The following NPAS3 variants were observed in gnomAD, a reference collection of about 807,000 sequenced individuals.
NPAS3 encodes neuronal PAS domain-containing protein 3.
Under a neutral mutation model 73.1 loss-of-function variants are expected in NPAS3, and 14 were observed. That is an observed-to-expected ratio of 0.19 (90% CI 0.13 to 0.30). The LOEUF (loss-of-function observed/expected upper bound fraction) is 0.30. Among genes scored for constraint, NPAS3 ranks in the 10% least tolerant of loss-of-function variants. The pLI, the probability that NPAS3 is intolerant of heterozygous loss-of-function variation, is 1.00. For missense variants in NPAS3, 1,096 were observed against 1,250.0 expected, an observed-to-expected ratio of 0.88 and a Z score of 1.86; for synonymous variants, 620 against 541.5, an observed-to-expected ratio of 1.14 and a Z score of -2.01.
intron 6 of NPAS3, among the ~76,000 whole-genome samples, chr14:33,681,226 A>C (rs1205429814): frequency 6.6e-6 from 1 of 152,228 alleles, no homozygotes; most frequent in Admixed American, 6.5e-5. Context: ...GTATAAAAAA[A>C]CGGCTTGGAT....
At chr14:33,621,548 C>T (rs948844686) in intron 5 of NPAS3, among the ~76,000 whole-genome samples, 6 of 152,062 alleles carry the variant, frequency 3.9e-5, no homozygotes, top group African/African-American at 1.4e-4. Context: ...TCTCCATACC[C>T]CCACTATGGT....
At chr14:33,224,520 G>C (rs529816662) in intron 3 of NPAS3, among the ~76,000 whole-genome samples, 2 of 152,108 alleles carry the variant, frequency 1.3e-5, no homozygotes, top group South Asian at 4.2e-4. Context: ...GCATTCTAAA[G>C]GAAGGCCAAT....
chr14:33,024,493 T>C (rs780651897), intron 1 of NPAS3, among the ~76,000 whole-genome samples: 6 of 152,110 alleles, frequency 3.9e-5, no homozygotes, highest in Non-Finnish European at 7.4e-5. Context: ...ATTTAAATCA[T>C]CACATGTCTC....
intron 1 of NPAS3, among the ~76,000 whole-genome samples, chr14:33,030,803 G>C (rs2039963957): frequency 6.6e-6 from 1 of 152,168 alleles, no homozygotes; most frequent in African/African-American, 2.4e-5. Context: ...TATTTTGTCT[G>C]TACATATACA....
intron 1 of NPAS3, among the ~76,000 whole-genome samples, chr14:33,010,796 G>A (rs113885527): frequency 0.013 from 1,942 of 152,010 alleles, 39 homozygotes; most frequent in African/African-American, 0.044. Flanking sequence ...ATAACTGGGA[G>A]TAGTGGCATG....
intron 1 of NPAS3, among the ~76,000 whole-genome samples, chr14:32,957,949 A>G (rs927532930): frequency 2.0e-5 from 3 of 152,124 alleles, no homozygotes; most frequent in African/African-American, 7.2e-5. Context: ...CTTTGGAATT[A>G]TTGCAGTTAC....
intron 4 of NPAS3, among the ~76,000 whole-genome samples, chr14:33,447,471 A>T (rs1361537577): frequency 1.3e-5 from 2 of 152,196 alleles, no homozygotes; most frequent in Non-Finnish European, 2.9e-5. Flanking sequence ...GTATGCTAAG[A>T]TGTTTGACAA....
At chr14:33,751,106 A>G (rs1011127797) in intron 7 of NPAS3, among the ~76,000 whole-genome samples, 3 of 152,186 alleles carry the variant, frequency 2.0e-5, no homozygotes, top group African/African-American at 7.2e-5. Flanking sequence ...CAAGAGTAGG[A>G]ACGTTCATGT....
intron 3 of NPAS3, among the ~76,000 whole-genome samples, chr14:33,241,880 T>C (rs2048223933): frequency 6.6e-6 from 1 of 152,088 alleles, no homozygotes; most frequent in South Asian, 2.1e-4. Flanking sequence ...ATACTGTGCA[T>C]TTAAAACTTT....
intron 3 of NPAS3, among the ~76,000 whole-genome samples, chr14:33,341,544 A>G (rs2044481425): frequency 6.6e-6 from 1 of 152,048 alleles, no homozygotes; most frequent in Non-Finnish European, 1.5e-5. Context: ...GGAGAGGGAA[A>G]GGGATGCGGG....
At chr14:33,269,199 A>G (rs957135604) in intron 3 of NPAS3, among the ~76,000 whole-genome samples, 2 of 152,202 alleles carry the variant, frequency 1.3e-5, no homozygotes, top group South Asian at 2.1e-4. Context: ...TCAAAATAAA[A>G]ATAGCTAAAA....
At chr14:33,520,570 A>G (rs773505552) in intron 4 of NPAS3, among the ~76,000 whole-genome samples, 11 of 152,110 alleles carry the variant, frequency 7.2e-5, no homozygotes, top group Non-Finnish European at 1.5e-4. Context: ...AGAGATGGAG[A>G]AGCAATAAAA....
Position 33,687,672 on chromosome 14 carries a change from C to T in NPAS3, c.733+11287C>T, listed in dbSNP as rs757323696. On this transcript the variant is annotated intron_variant, in intron 6 of 11. Transcript: ENST00000356141. ...GGAAAATACTTCCCATTTCACAGAA[C>T]GGGAAATTTTACATTTCACATGTAA... Among the ~76,000 whole-genome samples, 37 of 152,224 alleles carry T rather than the reference C, an allele frequency of 2.4e-4. 1 individual carries two copies. The East Asian group carries it at 4.6e-3, about 19-fold the overall frequency.
At chr14:33,084,449 T>A (rs1221191350) in intron 2 of NPAS3, among the ~76,000 whole-genome samples, 1 of 152,192 alleles carries the variant, frequency 6.6e-6, no homozygotes, top group Non-Finnish European at 1.5e-5. Flanking sequence ...TCAAACGTAG[T>A]ATAAGAAGAC....
intron 6 of NPAS3, among the ~76,000 whole-genome samples, chr14:33,708,985 G>A (rs2060740013): frequency 6.6e-6 from 1 of 152,134 alleles, no homozygotes; most frequent in Non-Finnish European, 1.5e-5. Context: ...AAGAAAATTG[G>A]CTTCATTTGT....
chr14:32,996,095 G>A (rs946794761), intron 1 of NPAS3, among the ~76,000 whole-genome samples: 1 of 152,190 alleles, frequency 6.6e-6, no homozygotes, highest in African/African-American at 2.4e-5. Context: ...AACTTTTTGG[G>A]AACTGGAGCA....
chr14:33,777,360 A>G (rs1033819306), intron 8 of NPAS3, among the ~76,000 whole-genome samples: 1 of 152,212 alleles, frequency 6.6e-6, no homozygotes. Context: ...GGCCAAAAAT[A>G]TTATTTGAAT....
chr14:33,704,714 ATAGGTCAAGAGCAG>A (rs1401436684), intron 6 of NPAS3, among the ~76,000 whole-genome samples: 1 of 152,200 alleles, frequency 6.6e-6, no homozygotes, highest in Non-Finnish European at 1.5e-5. Context: ...CAAAGTTTTA[ATAGGTCAAGAGCAG>A]AGTAACTGCT....
intron 5 of NPAS3, among the ~76,000 whole-genome samples, chr14:33,666,812 A>G (rs1231250257): frequency 6.6e-6 from 1 of 152,214 alleles, no homozygotes; most frequent in East Asian, 1.9e-4. Context: ...TACATGATTG[A>G]CTAATTAAAT....
Sources: allele counts gnomAD v4.1 joint callset (sites outside exome capture counted in the v4.1 genomes callset), GRCh38; gene constraint gnomAD v4.1.1; transcripts MANE v1.5; gene names NCBI Gene and HGNC (gene_info 2026-07-23, HGNC 2026-07-21).